SPATA16: variants seen among roughly 807,000 people sequenced by gnomAD.
SPATA16 encodes spermatogenesis-associated protein 16.
SPATA16 carries 36 observed loss-of-function variants against 63.3 expected under a neutral mutation model. The observed-to-expected ratio is 0.57, with a 90% confidence interval of 0.44 to 0.75. The LOEUF (loss-of-function observed/expected upper bound fraction) is 0.75, where lower values mean the gene tolerates loss of function less well. Ranked by LOEUF, SPATA16 falls within the 30% of genes least tolerant of loss-of-function variation. The pLI is 0.00. For synonymous variants in SPATA16, 203 were observed against 216.7 expected (o/e 0.94, Z 0.56); for missense variants, 646 against 679.3 (o/e 0.95, Z 0.54).
chr3:172,959,156 G>A (rs147336640), intron 5 of SPATA16, among the ~76,000 whole-genome samples: 29 of 152,326 alleles, frequency 1.9e-4, no homozygotes, highest in African/African-American at 6.0e-4. Flanking sequence ...AGTCAGGCTA[G>A]GATAGAAGAA....
intron 3 of SPATA16, among the ~76,000 whole-genome samples, chr3:173,019,980 T>C (rs1391679723): frequency 6.7e-6 from 1 of 149,516 alleles, no homozygotes; most frequent in Non-Finnish European, 1.5e-5. Flanking sequence ...TGTTAGTTGC[T>C]GAATTTCAGT....
Position 173,059,832 on chromosome 3 carries a change from C to CTTTTT in SPATA16, c.613-10743_613-10739dup, listed in dbSNP as rs201000096. Among the ~76,000 whole-genome samples the CTTTTT allele has an allele frequency of 2.8e-4, 20 of 71,332 alleles. 1 individual carries two copies. The highest frequency in any genetic ancestry group is 8.1e-4 in the African/African-American group (15 of 18,448). 46.8% of individuals were successfully genotyped at this position (71,332 alleles called of 152,430 possible). ...TAAATGTCTCTATCCCATTTGGTAG[C>CTTTTT]TTTTTTTTTTTTTTTTTTTTTTTTT... is the stretch of plus-strand genomic sequence containing the variant. On this transcript the variant is annotated intron_variant, in intron 2 of 10. Transcript: ENST00000351008.
intron 10 of SPATA16, among the ~76,000 whole-genome samples, chr3:172,898,702 C>T: frequency 6.6e-6 from 1 of 150,870 alleles, no homozygotes. Context: ...TTTCTGTTTT[C>T]ATTTCCATTG....
chr3:173,064,947 C>T (rs1736480276), intron 2 of SPATA16, among the ~76,000 whole-genome samples: 1 of 152,198 alleles, frequency 6.6e-6, no homozygotes, highest in African/African-American at 2.4e-5. Flanking sequence ...TCATCTGCAA[C>T]TCATGTGAAG....
chr3:172,922,714 A>G (rs1054914421), intron 8 of SPATA16, among the ~76,000 whole-genome samples: 1 of 152,186 alleles, frequency 6.6e-6, no homozygotes, highest in African/African-American at 2.4e-5. Flanking sequence ...TGAGGCCAGG[A>G]GTTCAAGACC....
At chr3:173,108,330 A>G (rs1224864154) in intron 2 of SPATA16, among the ~76,000 whole-genome samples, 2 of 152,232 alleles carry the variant, frequency 1.3e-5, no homozygotes, top group Non-Finnish European at 2.9e-5. Context: ...TTTTCAGAGT[A>G]AATTTTCATG....
intron 5 of SPATA16, among the ~76,000 whole-genome samples, chr3:172,961,090 C>CTTCCTTCCTTCT (rs1342920484): frequency 7.7e-6 from 1 of 129,430 alleles, no homozygotes; most frequent in Non-Finnish European, 1.7e-5. Flanking sequence ...TCCTTCCTTC[C>CTTCCTTCCTTCT]TTCCTTCCTT....
intron 1 of SPATA16, among the ~76,000 whole-genome samples, chr3:173,127,491 T>A (rs1738255102): frequency 1.3e-5 from 2 of 152,208 alleles, no homozygotes; most frequent in Non-Finnish European, 2.9e-5. Flanking sequence ...GTCTCTTTAG[T>A]CTCTTTTACT....
At chr3:172,967,290 A>G (rs1437272077) in intron 5 of SPATA16, among the ~76,000 whole-genome samples, 1 of 152,226 alleles carries the variant, frequency 6.6e-6, no homozygotes, top group African/African-American at 2.4e-5. Flanking sequence ...GGAGGCAAAA[A>G]AAGTAAAGAA....
rs34780432 is a variant in SPATA16, at chr3:172,930,553, C to CTTTT, written c.1082-5065_1082-5062dup. Among the ~76,000 whole-genome samples the CTTTT allele has an allele frequency of 3.9e-3, 345 of 87,376 alleles. 6 individuals carry two copies. The highest frequency in any genetic ancestry group is 7.9e-3 in the Middle Eastern group (1 of 126). The allele number at this position is 87,376 out of a possible 152,430, so 57.3% of individuals were successfully genotyped here. A position where few individuals can be genotyped will look rare whatever the true frequency, so the allele number is the denominator to read the frequency against. ...TATCTTCCAATCTTCCATTCAAACT[C>CTTTT]TTTTTTTTTTTTTTTTTTTTTTTGA... On this transcript the variant is annotated intron_variant, in intron 6 of 10. Transcript: ENST00000351008.
intron 3 of SPATA16, among the ~76,000 whole-genome samples, chr3:173,025,924 T>C (rs1322296825): frequency 6.6e-6 from 1 of 152,008 alleles, no homozygotes; most frequent in Non-Finnish European, 1.5e-5. Flanking sequence ...TCATTTCTTA[T>C]GGTAAAATAC....
intron 6 of SPATA16, among the ~76,000 whole-genome samples, chr3:172,937,804 G>T (rs1264421922): frequency 1.3e-5 from 2 of 152,142 alleles, no homozygotes; most frequent in Non-Finnish European, 2.9e-5. Flanking sequence ...TTTCAATTTT[G>T]TAGAGTAGGA....
intron 5 of SPATA16, among the ~76,000 whole-genome samples, chr3:172,963,609 T>TTATA (rs1337984230): frequency 2.0e-5 from 3 of 152,076 alleles, no homozygotes; most frequent in Non-Finnish European, 4.4e-5. Flanking sequence ...AGAGTTTTCA[T>TTATA]TATATGTGAT....
intron 2 of SPATA16, among the ~76,000 whole-genome samples, chr3:173,057,068 G>T (rs577661258): frequency 6.7e-6 from 1 of 149,868 alleles, no homozygotes; most frequent in Non-Finnish European, 1.5e-5. Flanking sequence ...TTACATCTCT[G>T]ATTATTGGTA....
At chr3:172,939,952 C>A (rs1733107302) in intron 6 of SPATA16, among the ~76,000 whole-genome samples, 3 of 152,020 alleles carry the variant, frequency 2.0e-5, no homozygotes, top group Non-Finnish European at 4.4e-5. Flanking sequence ...CACCAATGAC[C>A]AATAATTTAA....
At chr3:172,990,587 A>G (rs1274265641) in intron 4 of SPATA16, among the ~76,000 whole-genome samples, 2 of 152,310 alleles carry the variant, frequency 1.3e-5, no homozygotes, top group South Asian at 2.1e-4. Context: ...GTACCACTTC[A>G]TTCATTCAAC....
At chr3:173,073,438 C>T (rs1219625841) in intron 2 of SPATA16, among the ~76,000 whole-genome samples, 1 of 152,218 alleles carries the variant, frequency 6.6e-6, no homozygotes, top group African/African-American at 2.4e-5. Flanking sequence ...CCCAGGGACA[C>T]CCTGCTGTGT....
At chr3:173,034,459 A>C (rs2108285966) in intron 3 of SPATA16, among the ~76,000 whole-genome samples, 1 of 152,308 alleles carries the variant, frequency 6.6e-6, no homozygotes, top group Admixed American at 6.5e-5. Flanking sequence ...AAAATTACTC[A>C]TATTAACATC....
In SPATA16 at chr3:172,996,109, C is replaced by G. The variant is rs146238744; in HGVS notation, c.849-19057G>C. 4.4e-4 allele frequency among the ~76,000 whole-genome samples: 67 copies of G among 152,140 alleles called. No homozygotes were observed. In the East Asian group the frequency reaches 0.012, roughly 28 times the overall value. ...ACTAGTTATTACATAGAATGTCTTT[C>G]AAATTAGTTTTGCTTGATGTTTTCT... On this transcript the variant is annotated intron_variant, in intron 4 of 10. Coordinates refer to ENST00000351008, the MANE Select transcript of SPATA16 (RefSeq NM_031955.6).
Sources: allele counts gnomAD v4.1 joint callset (sites outside exome capture counted in the v4.1 genomes callset), GRCh38; gene constraint gnomAD v4.1.1; transcripts MANE v1.5; gene names NCBI Gene and HGNC (gene_info 2026-07-23, HGNC 2026-07-21).